CHL1: variants seen among roughly 807,000 people sequenced by gnomAD.
CHL1 encodes cell adhesion molecule L1 like.
CHL1 carries 96 observed loss-of-function variants against 141.9 expected under a neutral mutation model. That is an observed-to-expected ratio of 0.68 (90% confidence interval 0.57 to 0.80). The LOEUF (loss-of-function observed/expected upper bound fraction) is 0.80, where lower values mean the gene tolerates loss of function less well. CHL1 is among the 30% of genes least tolerant of loss of function. CHL1 has a pLI of 0.00. For missense variants in CHL1, 1,820 were observed against 1,457.2 expected (o/e 1.25, Z -4.05); for synonymous variants, 613 against 502.2 (o/e 1.22, Z -2.95).
intron 2 of CHL1, among the ~76,000 whole-genome samples, chr3:278,497 T>C (rs1696354066): frequency 6.6e-6 from 1 of 152,180 alleles, no homozygotes; most frequent in Non-Finnish European, 1.5e-5. Flanking sequence ...AAGCGTTCGT[T>C]AGTACCTCTC....
At chr3:200,013 C>T (rs1254679250) in intron 1 of CHL1, among the ~76,000 whole-genome samples, 1 of 152,156 alleles carries the variant, frequency 6.6e-6, no homozygotes, top group Non-Finnish European at 1.5e-5. Flanking sequence ...AGACAACCCT[C>T]TCATCCTCAC....
chr3:280,560 G>A (rs550692190), intron 2 of CHL1, among the ~76,000 whole-genome samples: 2 of 152,274 alleles, frequency 1.3e-5, no homozygotes, highest in Non-Finnish European at 2.9e-5. Context: ...AACTGCTTCT[G>A]GTAATTTTAC....
At chr3:248,876 T>G (rs901569411) in intron 2 of CHL1, among the ~76,000 whole-genome samples, 4 of 152,140 alleles carry the variant, frequency 2.6e-5, no homozygotes, top group African/African-American at 9.6e-5. Context: ...TATTGACATT[T>G]AAAAGGACTG....
Position 407,363 on chromosome 3 carries a change from A to G in CHL1, c.*1652A>G, listed in dbSNP as rs1308559295. ...GCGCAGGAATGCACATGGAATATCT[A>G]CTTGTCCTTTTGAACCTCACGAGTC... is the stretch of plus-strand genomic sequence containing the variant. On this transcript the variant is annotated 3_prime_UTR_variant, in exon 28 of 28. Coordinates refer to ENST00000256509, the MANE Select transcript of CHL1 (RefSeq NM_006614.4). 2 of 152,248 alleles carry G rather than the reference A, an allele frequency of 1.3e-5. No individual in the cohort carries two copies. Among genetic ancestry groups the G allele is most frequent in the East Asian group, 3.9e-4 (2 of 5,174 alleles). The allele number at this position is 152,248 out of a possible 1,614,324, so 9.4% of individuals were successfully genotyped here.
At chr3:228,831 C>G (rs1038775791) in intron 1 of CHL1, among the ~76,000 whole-genome samples, 3 of 152,054 alleles carry the variant, frequency 2.0e-5, no homozygotes, top group African/African-American at 7.2e-5. Context: ...TCTTCTGGTT[C>G]CTAATGGTTG....
Position 361,758 on chromosome 3 carries a change from A to G in CHL1, c.1366A>G (p.Ser456Gly), listed in dbSNP as rs901646095. Reference sequence around the variant, plus strand: ...AAATTACGCTACAGTGGTTGGGTACAGTGCTTTCTTACATTGCGAGTTCTT... The same window carrying G: ...AAATTACGCTACAGTGGTTGGGTACGGTGCTTTCTTACATTGCGAGTTCTT... The part of the protein sequence containing the change: ...GENYATVVGY[S>G]AFLHCEFFAS... The change falls in exon 13 of 28, where the codon AGT (serine) becomes GGT (glycine). Residue 456 changes from serine to glycine, a missense_variant. Ser to Gly is a moderately conservative substitution (Grantham distance 56, BLOSUM62 0). Transcript: ENST00000256509. The G allele has an allele frequency of 1.9e-6, 3 of 1,613,768 alleles. No homozygotes were observed. The highest frequency in any genetic ancestry group is 2.5e-6 in the Non-Finnish European group (3 of 1,179,694).
At chr3:259,606 A>C (rs183470154) in intron 2 of CHL1, among the ~76,000 whole-genome samples, 61 of 152,082 alleles carry the variant, frequency 4.0e-4, no homozygotes, top group Non-Finnish European at 7.1e-4. Context: ...ATTCCTTGCT[A>C]TCTGCTTTAC....
intron 1 of CHL1, among the ~76,000 whole-genome samples, chr3:207,603 C>T (rs1003619080): frequency 6.6e-6 from 1 of 152,116 alleles, no homozygotes; most frequent in Admixed American, 6.6e-5. Flanking sequence ...CATCTATCAC[C>T]TATATCTGCA....
At chr3:201,375 A>G (rs1477847422) in intron 1 of CHL1, among the ~76,000 whole-genome samples, 2 of 152,212 alleles carry the variant, frequency 1.3e-5, no homozygotes, top group Non-Finnish European at 2.9e-5. Context: ...ACAAAGGGAC[A>G]TATTCCGTTT....
chr3:204,329 C>G (rs1008523417), intron 1 of CHL1, among the ~76,000 whole-genome samples: 1 of 152,214 alleles, frequency 6.6e-6, no homozygotes, highest in South Asian at 2.1e-4. Context: ...GAGATACACT[C>G]AAATGTCAGT....
chr3:364,419 C>G (rs985647444), intron 14 of CHL1, among the ~76,000 whole-genome samples: 4 of 152,144 alleles, frequency 2.6e-5, no homozygotes, highest in African/African-American at 9.7e-5. Flanking sequence ...AAACCTATAT[C>G]AAGGTTAAGC....
At chr3:311,091 G>C (rs1381453762) in intron 2 of CHL1, among the ~76,000 whole-genome samples, 1 of 152,022 alleles carries the variant, frequency 6.6e-6, no homozygotes, top group Non-Finnish European at 1.5e-5. Flanking sequence ...TCCATTGTCT[G>C]GACACAGTAT....
At chr3:199,590 T>A (rs1698736240) in intron 1 of CHL1, among the ~76,000 whole-genome samples, 1 of 152,208 alleles carries the variant, frequency 6.6e-6, no homozygotes, top group African/African-American at 2.4e-5. Context: ...ATGAATTGGT[T>A]TTAAATAAAT....
At chr3:237,263 CCACT>C (rs1299350814) in intron 1 of CHL1, among the ~76,000 whole-genome samples, 1 of 152,110 alleles carries the variant, frequency 6.6e-6, no homozygotes, top group Non-Finnish European at 1.5e-5. Context: ...TGGAAGTTCC[CCACT>C]CACTCTGTCT....
chr3:252,176 T>A (rs1195685747), intron 2 of CHL1, among the ~76,000 whole-genome samples: 1 of 151,664 alleles, frequency 6.6e-6, no homozygotes, highest in Non-Finnish European at 1.5e-5. Context: ...AAGGGAAAAC[T>A]ATTTTTAACA....
At chr3:262,665 G>A (rs1326946995) in intron 2 of CHL1, among the ~76,000 whole-genome samples, 1 of 152,206 alleles carries the variant, frequency 6.6e-6, no homozygotes, top group Non-Finnish European at 1.5e-5. Flanking sequence ...CTGGTACACT[G>A]AAAAACAGGA....
chr3:360,124 T>A (rs904500831), intron 11 of CHL1, among the ~76,000 whole-genome samples, 160 bp from the exon 12 acceptor site: 1 of 152,178 alleles, frequency 6.6e-6, no homozygotes, highest in East Asian at 1.9e-4. Flanking sequence ...GAAAAGTCCA[T>A]AGTTGATGTT....
rs1306418656 is a variant in CHL1, at chr3:344,799, T to G, written c.848+90T>G. On this transcript the variant is annotated intron_variant, in intron 9 of 27. Coordinates refer to ENST00000256509, the MANE Select transcript of CHL1 (RefSeq NM_006614.4). Reference sequence around the variant, plus strand: ...CACATTAAGACTGTGCTTGCAAAGATATTTTAAAATTATTTCCTTAAAAAA... The same window carrying G: ...CACATTAAGACTGTGCTTGCAAAGAGATTTTAAAATTATTTCCTTAAAAAA... 3 of 1,283,566 alleles carry G rather than the reference T, an allele frequency of 2.3e-6. No individual in the cohort carries two copies. In the East Asian group the frequency reaches 7.4e-5, roughly 32 times the overall value. The allele number at this position is 1,283,566 out of a possible 1,614,324, so 79.5% of individuals were successfully genotyped here.
At chr3:199,948 T>C (rs180784868) in intron 1 of CHL1, among the ~76,000 whole-genome samples, 2 of 152,304 alleles carry the variant, frequency 1.3e-5, no homozygotes, top group Admixed American at 6.5e-5. Context: ...TTTGAAGGAA[T>C]GATTGTCAGG....
Sources: gnomAD v4.1 joint callset for allele counts (sites outside exome capture counted in the v4.1 genomes callset) on GRCh38, gnomAD v4.1.1 for gene constraint, MANE v1.5 for transcripts, NCBI Gene and HGNC (gene_info 2026-07-23, HGNC 2026-07-21) for gene names.